The following PIK3C2B variants were observed in gnomAD, a reference collection of about 807,000 sequenced individuals.
PIK3C2B encodes phosphatidylinositol 4-phosphate 3-kinase C2 domain-containing subunit beta.
Under a neutral mutation model 184.3 loss-of-function variants are expected in PIK3C2B, and 83 were observed. The ratio of observed to expected loss-of-function variants is 0.45; its 90% confidence interval spans 0.38 to 0.54. PIK3C2B has a LOEUF of 0.54. Ranked by LOEUF, PIK3C2B falls within the 20% of genes least tolerant of loss-of-function variation. The pLI is 0.00. For synonymous variants in PIK3C2B, 779 were observed against 837.6 expected, an observed-to-expected ratio of 0.93 and a Z score of 1.21; for missense variants, 1,736 against 2,113.5, an observed-to-expected ratio of 0.82 and a Z score of 3.50.
chr1:204,437,154 A>C (rs1170322810), intron 23 of PIK3C2B, among the ~76,000 whole-genome samples: 1 of 152,040 alleles, frequency 6.6e-6, no homozygotes, highest in Non-Finnish European at 1.5e-5. Flanking sequence ...GTGCAATGCT[A>C]TCTGTTAGGA....
At chr1:204,472,661 T>A (rs1572382753) in intron 1 of PIK3C2B, among the ~76,000 whole-genome samples, 1 of 151,940 alleles carries the variant, frequency 6.6e-6, no homozygotes, top group East Asian at 1.9e-4. Context: ...ACGTCTATAA[T>A]CCCAGCTACT....
intron 24 of PIK3C2B, 72 bp downstream of exon 24, chr1:204,434,367 G>T: frequency 7.3e-7 from 1 of 1,377,956 alleles, no homozygotes; most frequent in East Asian, 2.3e-5. Context: ...ATGGGCTTGT[G>T]TCCCAGCTCT....
intron 3 of PIK3C2B, 22 bp from the exon 4 acceptor site, chr1:204,464,626 C>T: frequency 6.2e-7 from 1 of 1,609,206 alleles, no homozygotes; most frequent in Non-Finnish European, 8.5e-7. Flanking sequence ...GAAAAAAAAC[C>T]CTCACTGTGC....
At chr1:204,485,327 AC>A (rs1558286958) in intron 1 of PIK3C2B, among the ~76,000 whole-genome samples, 4 of 152,064 alleles carry the variant, frequency 2.6e-5, no homozygotes. Context: ...AAGTGAAATA[AC>A]CTATATAAAG....
In PIK3C2B at chr1:204,446,060, G is replaced by A; in HGVS notation, c.2574C>T (p.Ala858=). 6.2e-7 allele frequency: 1 copy of A among 1,601,962 alleles called. No homozygotes were observed. Among genetic ancestry groups the A allele is most frequent in the Non-Finnish European group, 8.5e-7 (1 of 1,171,820 alleles). The change falls in exon 16 of 33, where the codon GCC becomes GCT. Residue 858 remains alanine (A), a synonymous_variant. Coordinates refer to ENST00000684373, the MANE Select transcript of PIK3C2B (RefSeq NM_001377334.1). ...AAGCCCACTCCCAGCTGGGGGCGCTGGCGAGCACCAGGGGGAGCGAGCTCA... is the reference window on the plus strand; with the variant it reads ...AAGCCCACTCCCAGCTGGGGGCGCTAGCGAGCACCAGGGGGAGCGAGCTCA... ...SEVSSLPLVL[A]SAPSWEWACL...
chr1:204,481,240 A>C (rs1395940392), intron 1 of PIK3C2B, among the ~76,000 whole-genome samples: 1 of 148,990 alleles, frequency 6.7e-6, no homozygotes, highest in Non-Finnish European at 1.5e-5. Context: ...GAAGAGAGGA[A>C]GCTGGCCTAG....
intron 22 of PIK3C2B, among the ~76,000 whole-genome samples, chr1:204,439,284 T>C (rs1006075577): frequency 1.3e-5 from 2 of 152,242 alleles, no homozygotes; most frequent in African/African-American, 2.4e-5. Context: ...CTCCAGTTCA[T>C]AGCTGCTGCT....
chr1:204,477,017 T>G (rs1343778261), intron 1 of PIK3C2B, among the ~76,000 whole-genome samples: 2 of 152,240 alleles, frequency 1.3e-5, no homozygotes, highest in Non-Finnish European at 2.9e-5. Flanking sequence ...AAGATGCCCT[T>G]TGCAAAGTGT....
intron 15 of PIK3C2B, among the ~76,000 whole-genome samples, chr1:204,446,902 A>G (rs1653922519): frequency 1.3e-5 from 2 of 152,150 alleles, no homozygotes. Flanking sequence ...AGGTCCCTCC[A>G]GCTCCTCCAG....
rs61757996 is a variant in PIK3C2B at position 204,433,610 on chromosome 1, A to C, written c.3843+183T>G. ...GAAGGGCTGGAGCAGGGAGTCAGGC[A>C]CCTACACAGACATCATTGTCCTCAG... On this transcript the variant is annotated intron_variant, in intron 25 of 32. Transcript: ENST00000684373. This position sits in a 1 kb window ranked among gnomAD's most constrained non-coding sequence, Gnocchi z 5.0. Among the ~76,000 whole-genome samples, 1 of 152,134 alleles carries C rather than the reference A, an allele frequency of 6.6e-6. No homozygotes were observed. Among genetic ancestry groups the C allele is most frequent in the African/African-American group, 2.4e-5 (1 of 41,412 alleles).
chr1:204,442,306 G>A (rs1233754684), intron 20 of PIK3C2B, among the ~76,000 whole-genome samples: 1 of 152,172 alleles, frequency 6.6e-6, no homozygotes, highest in Non-Finnish European at 1.5e-5. Flanking sequence ...TCTGCCATGT[G>A]TGGGTAGAGG....
rs144449544 is a variant in PIK3C2B at position 204,455,917 on chromosome 1, C to A, written c.1882G>T (p.Ala628Ser). Residue 628 changes from alanine (A) to serine (S), a missense_variant, in exon 11 of 33, where the codon GCC becomes TCC. By Grantham distance (99) the Ala-to-Ser change is moderately conservative (BLOSUM62 1). This residue lies in a region of PIK3C2B where 609 missense variants were observed against 699.2 expected (regional missense o/e 0.87). Transcript: ENST00000684373. ...HDLVQEACHF[A>S]RSLAFTVYAT... ...TAGACAGTGAAGGCCAGGGACCTGGCGAAATGGCAGGCCTCCTGGACCAGG... is the reference window on the plus strand; with the variant it reads ...TAGACAGTGAAGGCCAGGGACCTGGAGAAATGGCAGGCCTCCTGGACCAGG... The A allele has an allele frequency of 8.7e-6, 14 of 1,613,978 alleles. No individual in the cohort carries two copies. The highest frequency in any genetic ancestry group is 3.3e-5 in the Admixed American group (2 of 60,000).
intron 30 of PIK3C2B, 64 bp downstream of exon 30, chr1:204,428,075 G>A: frequency 2.2e-6 from 2 of 906,668 alleles, no homozygotes; most frequent in Admixed American, 1.9e-5. Context: ...GGTTGGGGCA[G>A]AAGCAGTTAC....
intron 2 of PIK3C2B, chr1:204,466,654 C>T: frequency 5.2e-6 from 2 of 382,914 alleles, no homozygotes; most frequent in South Asian, 4.3e-5. Context: ...GAGAGAGAGA[C>T]AGTGGGGGGA....
intron 2 of PIK3C2B, among the ~76,000 whole-genome samples, chr1:204,465,692 C>T (rs999956022): frequency 1.3e-5 from 2 of 152,206 alleles, no homozygotes; most frequent in African/African-American, 4.8e-5. Flanking sequence ...GCAGAGCAGA[C>T]AGCTGTTTTT....
At chr1:204,492,414 A>T (rs1276832144) in intron 1 of PIK3C2B, among the ~76,000 whole-genome samples, 2 of 152,170 alleles carry the variant, frequency 1.3e-5, no homozygotes, top group Non-Finnish European at 2.9e-5. Context: ...GAACATGAGG[A>T]GCCTGAACCT....
chr1:204,466,659 G>T (rs1473824403), intron 2 of PIK3C2B: 5 of 389,550 alleles, frequency 1.3e-5, no homozygotes, highest in African/African-American at 1.0e-4. Flanking sequence ...AGAGACAGTG[G>T]GGGGAGGGAA....
At chr1:204,438,101 T>C (rs1675450577) in intron 23 of PIK3C2B, among the ~76,000 whole-genome samples, 2 of 152,254 alleles carry the variant, frequency 1.3e-5, no homozygotes, top group South Asian at 4.1e-4. Flanking sequence ...GATTATACCT[T>C]GGCTGCCCAT....
At position 204,432,412 on chromosome 1, in the gene PIK3C2B, G is replaced by T. The variant is rs778780981; in HGVS notation, c.3954-11C>A. On this transcript the variant is annotated splice_polypyrimidine_tract_variant and intron_variant, in intron 26 of 32. Coordinates refer to ENST00000684373, the MANE Select transcript of PIK3C2B (RefSeq NM_001377334.1). ...CTGGACTCAATCAACCTGGCAGGAG[G>T]ATAAGAAAAGAGGATATAACCATGA... is the stretch of plus-strand genomic sequence containing the variant. 41 of 1,612,354 alleles carry T rather than the reference G, an allele frequency of 2.5e-5. No homozygotes were observed. In the Middle Eastern group the frequency reaches 4.9e-4, roughly 19 times the overall value.
Sources: gnomAD v4.1 joint callset for allele counts (sites outside exome capture counted in the v4.1 genomes callset) on GRCh38, gnomAD v4.1.1 for gene constraint, gnomAD v4.1.1 regional missense constraint, Gnocchi (gnomAD v3.1) non-coding constraint, MANE v1.5 for transcripts, NCBI Gene and HGNC (gene_info 2026-07-23, HGNC 2026-07-21) for gene names.